SYNPR: variants seen among roughly 807,000 people sequenced by gnomAD.
SYNPR encodes synaptoporin.
Under a neutral mutation model 32.9 loss-of-function variants are expected in SYNPR, and 23 were observed. The observed-to-expected ratio is 0.70, with a 90% confidence interval of 0.50 to 0.99. SYNPR has a LOEUF of 0.99. SYNPR is among the 50% of genes least tolerant of loss of function. The pLI is 0.00. For missense variants in SYNPR, 318 were observed against 349.3 expected, an observed-to-expected ratio of 0.91 and a Z score of 0.71; for synonymous variants, 146 against 135.9, an observed-to-expected ratio of 1.07 and a Z score of -0.52.
the SYNPR span, among the ~76,000 whole-genome samples, chr3:63,202,513 G>C: frequency 6.6e-6 from 1 of 152,150 alleles, no homozygotes; most frequent in African/African-American, 2.4e-5. Context: ...ACACAGGCAA[G>C]AGGAAAATTG....
intron 4 of SYNPR, among the ~76,000 whole-genome samples, chr3:63,570,213 C>T (rs572447733): frequency 5.3e-5 from 8 of 151,970 alleles, no homozygotes; most frequent in African/African-American, 9.7e-5. Flanking sequence ...GGGAACAGGG[C>T]GGGTGAGGGG....
intron 3 of SYNPR, among the ~76,000 whole-genome samples, chr3:63,524,172 T>A (rs1701962397): frequency 6.6e-6 from 1 of 151,934 alleles, no homozygotes; most frequent in African/African-American, 2.4e-5. Context: ...TTACTTGCTG[T>A]CAATAAAAAG....
At chr3:63,605,969 C>A (rs529105574) in intron 4 of SYNPR, among the ~76,000 whole-genome samples, 1 of 152,308 alleles carries the variant, frequency 6.6e-6, no homozygotes, top group East Asian at 1.9e-4. Flanking sequence ...TGCTTTTATT[C>A]GTGATATAAA....
chr3:63,306,034 C>T (rs2106947094), intron 2 of SYNPR, among the ~76,000 whole-genome samples: 1 of 152,150 alleles, frequency 6.6e-6, no homozygotes, highest in Non-Finnish European at 1.5e-5. Context: ...AGTTTAGATG[C>T]CACTTCTCCA....
intron 2 of SYNPR, among the ~76,000 whole-genome samples, chr3:63,365,740 A>AT (rs755098799): frequency 1.5e-4 from 23 of 152,092 alleles, no homozygotes; most frequent in Non-Finnish European, 5.9e-5. Flanking sequence ...AAAGATATAT[A>AT]TTTTTTCTAA....
chr3:63,540,463 C>T (rs960496325), intron 3 of SYNPR, among the ~76,000 whole-genome samples: 2 of 151,922 alleles, frequency 1.3e-5, no homozygotes, highest in Non-Finnish European at 2.9e-5. Flanking sequence ...ATCATACAAT[C>T]CTCAGGGAAG....
chr3:63,287,742 C>T (rs1384882510), intron 2 of SYNPR, among the ~76,000 whole-genome samples: 1 of 152,156 alleles, frequency 6.6e-6, no homozygotes, highest in Non-Finnish European at 1.5e-5. Context: ...CCTTAATGGT[C>T]TTCATTGTGA....
intron 3 of SYNPR, among the ~76,000 whole-genome samples, chr3:63,486,537 C>A (rs1408462388): frequency 6.6e-6 from 1 of 152,168 alleles, no homozygotes. Flanking sequence ...GCTGAATCCT[C>A]TAAGGAGTTG....
chr3:63,375,861 A>C (rs1164339683), intron 2 of SYNPR, among the ~76,000 whole-genome samples: 3 of 152,132 alleles, frequency 2.0e-5, no homozygotes, highest in Non-Finnish European at 4.4e-5. Flanking sequence ...GCAGTGATCC[A>C]CCAAACATGT....
intron 2 of SYNPR, chr3:63,427,416 A>G (rs1699913314): frequency 6.6e-6 from 1 of 152,248 alleles, no homozygotes; most frequent in African/African-American, 2.4e-5. Flanking sequence ...ATCAACTAGG[A>G]TGAGAGAGAG....
rs190991895 is a variant in SYNPR, at chr3:63,531,988, C to T, written c.210-24555C>T. 1.3e-3 allele frequency among the ~76,000 whole-genome samples: 203 copies of T among 152,316 alleles called. 2 individuals carry two copies. The highest frequency in any genetic ancestry group is 0.012 in the Admixed American group (179 of 15,298). On this transcript the variant is annotated intron_variant, in intron 3 of 5. Transcript: ENST00000478300. ...AAGTCTACCAGGTTGCTCCCTAATG[C>T]ATTCATTCACATAGCAGGATTCAAT...
intron 2 of SYNPR, among the ~76,000 whole-genome samples, chr3:63,329,349 G>A (rs1227492739): frequency 6.6e-6 from 1 of 152,074 alleles, no homozygotes; most frequent in Non-Finnish European, 1.5e-5. Context: ...GACACAGAGA[G>A]GTAACTACCC....
At chr3:63,539,612 C>A (rs17069000) in intron 3 of SYNPR, among the ~76,000 whole-genome samples, 2,302 of 152,204 alleles carry the variant, frequency 0.015, 43 homozygotes, top group South Asian at 0.067. Context: ...AAAATGGAGA[C>A]TGCTCTGAGC....
In SYNPR at chr3:63,595,921, T is replaced by TTA. The variant is rs1165512374; in HGVS notation, c.409-13193_409-13192dup. Among the ~76,000 whole-genome samples the TTA allele has an allele frequency of 4.5e-5, 4 of 89,508 alleles. 1 individual carries two copies. Among genetic ancestry groups the TTA allele is most frequent in the Admixed American group, 1.3e-4 (1 of 7,972 alleles). The allele number at this position is 89,508 out of a possible 152,430, so 58.7% of individuals were successfully genotyped here. A position where few individuals can be genotyped will look rare whatever the true frequency, so the allele number is the denominator to read the frequency against. On this transcript the variant is annotated intron_variant, in intron 4 of 5. Transcript: ENST00000478300. Reference sequence around the variant, plus strand: ...TATATATAGTTATATATATATAGTTTTATATATATATAGTTTTATATATAT... The same window carrying TTA: ...TATATATAGTTATATATATATAGTTTTATATATATATATAGTTTTATATATAT...
At chr3:63,263,286 C>G (rs1375260059) in intron 2 of SYNPR, among the ~76,000 whole-genome samples, 3 of 152,210 alleles carry the variant, frequency 2.0e-5, no homozygotes, top group African/African-American at 7.2e-5. Context: ...AGTTGGTCAT[C>G]TCTCACCTAG....
intron 1 of SYNPR, among the ~76,000 whole-genome samples, chr3:63,244,853 A>T (rs1196574075): frequency 6.6e-6 from 1 of 152,108 alleles, no homozygotes; most frequent in South Asian, 2.1e-4. Flanking sequence ...TCACTTAGGC[A>T]GACATAGAAA....
chr3:63,577,137 C>A (rs993950562), intron 4 of SYNPR, among the ~76,000 whole-genome samples: 3 of 152,146 alleles, frequency 2.0e-5, no homozygotes, highest in African/African-American at 7.2e-5. Flanking sequence ...TATGCAAATA[C>A]AATTCTCAGA....
intron 4 of SYNPR, among the ~76,000 whole-genome samples, chr3:63,566,361 G>A (rs1053540265): frequency 6.6e-6 from 1 of 152,100 alleles, no homozygotes; most frequent in Non-Finnish European, 1.5e-5. Flanking sequence ...TGTGCCCTCA[G>A]ATACTGCTGG....
At chr3:63,528,296 G>A (rs1158707753) in intron 3 of SYNPR, among the ~76,000 whole-genome samples, 17 of 152,184 alleles carry the variant, frequency 1.1e-4, no homozygotes, top group African/African-American at 4.1e-4. Context: ...GCAAAGTTAA[G>A]CAGGTATCTT....
Sources: gnomAD v4.1 joint callset for allele counts (sites outside exome capture counted in the v4.1 genomes callset) on GRCh38, gnomAD v4.1.1 for gene constraint, MANE v1.5 for transcripts, NCBI Gene and HGNC (gene_info 2026-07-23, HGNC 2026-07-21) for gene names.